The following SLC9A5 variants were observed in gnomAD, a reference collection of about 807,000 sequenced individuals.
The protein encoded by SLC9A5 is solute carrier family 9 member A5.
A neutral mutation model predicts 91.7 loss-of-function variants in SLC9A5; 52 were observed. The ratio of observed to expected loss-of-function variants is 0.57; its 90% CI spans 0.45 to 0.71. The LOEUF is 0.71. SLC9A5 is among the 30% of genes least tolerant of loss of function. The pLI is 0.00. For synonymous variants in SLC9A5, 419 were observed against 474.5 expected (o/e 0.88, Z 1.52); for missense variants, 871 against 1,158.9 (o/e 0.75, Z 3.61).
intron 10 of SLC9A5, among the ~76,000 whole-genome samples, 183 bp from the exon 11 acceptor site, chr16:67,259,386 TAGAA>T (rs2035442336): frequency 1.0e-5 from 1 of 96,244 alleles, no homozygotes; most frequent in South Asian, 3.1e-4. Context: ...AAAAAAAAAA[TAGAA>T]AGCAGGCATA....
chr16:67,264,868 G>A (rs547092527), intron 13 of SLC9A5, among the ~76,000 whole-genome samples, 172 bp from the exon 14 acceptor site: 2 of 152,316 alleles, frequency 1.3e-5, no homozygotes, highest in South Asian at 2.1e-4. Flanking sequence ...ATTTCTTACT[G>A]GGGCATGGGT....
chr16:67,250,476 G>A (rs2035073974), intron 1 of SLC9A5, among the ~76,000 whole-genome samples: 1 of 152,174 alleles, frequency 6.6e-6, no homozygotes, highest in Non-Finnish European at 1.5e-5. Context: ...CAACGATTGG[G>A]TTTGCTAAGT....
Position 67,256,034 on chromosome 16 carries a change from C to T in SLC9A5, c.911+104C>T. 1 of 1,283,830 alleles carries T rather than the reference C, an allele frequency of 7.8e-7. No individual in the cohort carries two copies. Among genetic ancestry groups the T allele is most frequent in the Non-Finnish European group, 1.1e-6 (1 of 932,558 alleles). The allele number at this position is 1,283,830 out of a possible 1,614,324, so 79.5% of individuals were successfully genotyped here. A position where few individuals can be genotyped will look rare whatever the true frequency, so the allele number is the denominator to read the frequency against. On this transcript the variant is annotated intron_variant, in intron 5 of 15. Coordinates refer to ENST00000299798, the MANE Select transcript of SLC9A5 (RefSeq NM_004594.3). This position sits in a 1 kb window ranked among gnomAD's most constrained non-coding sequence, Gnocchi z 4.1. Reference sequence around the variant, plus strand: ...GAACTTCAGGAGTCCATAGGTTTCCCTGAGCCCTTGTGGTAGTGGGAGCCT... The same window carrying T: ...GAACTTCAGGAGTCCATAGGTTTCCTTGAGCCCTTGTGGTAGTGGGAGCCT...
intron 12 of SLC9A5, among the ~76,000 whole-genome samples, chr16:67,260,512 G>A (rs948707051): frequency 6.6e-6 from 1 of 152,190 alleles, no homozygotes; most frequent in African/African-American, 2.4e-5. Flanking sequence ...ATTGGAGGGG[G>A]TGAGTTGAGA....
In SLC9A5 at chr16:67,255,489, C is replaced by G; in HGVS notation, c.733+18C>G. On this transcript the variant is annotated intron_variant, in intron 4 of 15. Coordinates refer to ENST00000299798, the MANE Select transcript of SLC9A5 (RefSeq NM_004594.3). The surrounding 1 kb of genome is among the most constrained non-coding windows in gnomAD (Gnocchi z 4.9). ...GGGAGTCGGTCAGTATTTCCCCGCT[C>G]CCAGCTGGCATTGGAGGTCTGCCTC... is the stretch of plus-strand genomic sequence containing the variant. The G allele has an allele frequency of 6.2e-7, 1 of 1,612,980 alleles. No homozygotes were observed. Among genetic ancestry groups the G allele is most frequent in the South Asian group, 1.1e-5 (1 of 91,062 alleles).
intron 2 of SLC9A5, among the ~76,000 whole-genome samples, chr16:67,253,485 G>A (rs2035204925): frequency 6.6e-6 from 1 of 152,020 alleles, no homozygotes; most frequent in African/African-American, 2.4e-5. Flanking sequence ...TTTGCTATCA[G>A]GTCCAAGGTT....
In SLC9A5 at chr16:67,256,647, G is replaced by T; in HGVS notation, c.1090G>T (p.Val364Leu). Residue 364 changes from valine to leucine, a missense_variant, in exon 6 of 16, where the codon GTG (valine) becomes TTG (leucine). Coordinates refer to ENST00000299798, the MANE Select transcript of SLC9A5 (RefSeq NM_004594.3). The surrounding 1 kb of genome is among the most constrained non-coding windows in gnomAD (Gnocchi z 4.1). Reference sequence around the variant, plus strand: ...TAAGTGGGCCTGGGATTCTGGGCTGGTGCTGGGCACCCTCATCTTCATCCT... The same window carrying T: ...TAAGTGGGCCTGGGATTCTGGGCTGTTGCTGGGCACCCTCATCTTCATCCT... ...SSKWAWDSGL[V>L]LGTLIFILFF... 1.2e-6 allele frequency: 2 copies of T among 1,613,872 alleles called. No individual in the cohort carries two copies.
Position 67,271,423 on chromosome 16 carries a change from G to A in SLC9A5, c.*213G>A, listed in dbSNP as rs766429204. 1 of 591,402 alleles carries A rather than the reference G, an allele frequency of 1.7e-6. No homozygotes were observed. The highest frequency in any genetic ancestry group is 2.0e-5 in the South Asian group (1 of 49,248). 36.6% of individuals were successfully genotyped at this position (591,402 alleles called of 1,614,324 possible). A position where few individuals can be genotyped will look rare whatever the true frequency, so the allele number is the denominator to read the frequency against. On this transcript the variant is annotated 3_prime_UTR_variant, in exon 16 of 16. Coordinates refer to ENST00000299798, the MANE Select transcript of SLC9A5 (RefSeq NM_004594.3). Reference sequence around the variant, plus strand: ...CTGCTCCTAACCCCTGCCACTTTCTGTTTCATTAAGGCCTCTACTCTGGCT... The same window carrying A: ...CTGCTCCTAACCCCTGCCACTTTCTATTTCATTAAGGCCTCTACTCTGGCT...
chr16:67,250,816 A>T (rs2035086474), intron 1 of SLC9A5, among the ~76,000 whole-genome samples: 1 of 152,160 alleles, frequency 6.6e-6, no homozygotes, highest in Admixed American at 6.5e-5. Flanking sequence ...ACAGAGGCTA[A>T]TTTAGAGGTC....
chr16:67,250,799 G>T (rs2035085323), intron 1 of SLC9A5, among the ~76,000 whole-genome samples: 1 of 152,178 alleles, frequency 6.6e-6, no homozygotes, highest in African/African-American at 2.4e-5. Flanking sequence ...TCTTGGCATA[G>T]GGTCTCACAG....
At chr16:67,254,536 ACAGGCCTGCAC>A (rs201473931) in intron 2 of SLC9A5, among the ~76,000 whole-genome samples, 5,619 of 152,242 alleles carry the variant, frequency 0.037, 116 homozygotes, top group African/African-American at 0.05. Context: ...AGCTGGGATT[ACAGGCCTGCAC>A]CACTGCGCCT....
chr16:67,254,801 G>A (rs1230114099), intron 2 of SLC9A5, among the ~76,000 whole-genome samples: 4 of 152,252 alleles, frequency 2.6e-5, no homozygotes, highest in African/African-American at 7.2e-5. Context: ...TGACGGACCA[G>A]CATCACACAG....
chr16:67,259,533 C>T (rs765072012), intron 10 of SLC9A5, 40 bp from the exon 11 acceptor site: 2 of 1,463,250 alleles, frequency 1.4e-6, no homozygotes, highest in Non-Finnish European at 1.9e-6. Context: ...GGGCAACCCT[C>T]CATCTGATTG....
intron 12 of SLC9A5, chr16:67,261,580 A>G (rs2035530787): frequency 6.6e-6 from 1 of 152,220 alleles, no homozygotes; most frequent in Non-Finnish European, 1.5e-5. Flanking sequence ...TCAGTATTCA[A>G]TAAATATCTT....
intron 12 of SLC9A5, among the ~76,000 whole-genome samples, chr16:67,260,354 CAAAA>C (rs397932908): frequency 1.2e-3 from 40 of 33,444 alleles, no homozygotes; most frequent in African/African-American, 7.0e-3. Context: ...GACTCCATCT[CAAAA>C]AAAAAAAAAA....
Position 67,256,379 on chromosome 16 carries a change from C to A in SLC9A5, c.912-90C>A. On this transcript the variant is annotated intron_variant, in intron 5 of 15. Coordinates refer to ENST00000299798, the MANE Select transcript of SLC9A5 (RefSeq NM_004594.3). The surrounding 1 kb of genome is among the most constrained non-coding windows in gnomAD (Gnocchi z 4.1). ...TGAGAGTCTGACATCCTGTAATGGG[C>A]AATGCCCCCTCCTGCAGTATGCTCA... is the stretch of plus-strand genomic sequence containing the variant. The A allele has an allele frequency of 2.3e-6, 2 of 873,178 alleles. No individual in the cohort carries two copies. The highest frequency in any genetic ancestry group is 1.8e-5 in the Admixed American group (1 of 55,252). 54.1% of individuals were successfully genotyped at this position (873,178 alleles called of 1,614,324 possible). A position where few individuals can be genotyped will look rare whatever the true frequency, so the allele number is the denominator to read the frequency against.
chr16:67,252,386 G>A lies in SLC9A5; in HGVS notation c.188-156G>A, dbSNP rs745878352. 9.9e-5 allele frequency among the ~76,000 whole-genome samples: 15 copies of A among 151,904 alleles called. No individual in the cohort carries two copies. The highest frequency in any genetic ancestry group is 1.8e-4 in the Non-Finnish European group (12 of 67,990). On this transcript the variant is annotated intron_variant, in intron 1 of 15. Transcript: ENST00000299798. The surrounding 1 kb of genome is among the most constrained non-coding windows in gnomAD (Gnocchi z 4.0). ...AATCACTTGAACCCGGGAGGTGAAG[G>A]TTGCAGTGAGCTGAGATTGTGCTAC...
intron 15 of SLC9A5, among the ~76,000 whole-genome samples, chr16:67,268,325 A>AT (rs548983298): frequency 0.012 from 1,443 of 123,930 alleles, 11 homozygotes; most frequent in African/African-American, 0.021. Context: ...CCAGATAAGG[A>AT]TTTTTTTTTT....
rs1314634359 is a variant in SLC9A5 at position 67,256,122 on chromosome 16, C to T, written c.911+192C>T. Among the ~76,000 whole-genome samples, 1 of 152,192 alleles carries T rather than the reference C, an allele frequency of 6.6e-6. No homozygotes were observed. The highest frequency in any genetic ancestry group is 6.5e-5 in the Admixed American group (1 of 15,286). ...TTCAGGAGCTGCCCCCAGAGCTGTC[C>T]TCAGCACCCTGAAACCCTCTGGGTG... On this transcript the variant is annotated intron_variant, in intron 5 of 15. Coordinates refer to ENST00000299798, the MANE Select transcript of SLC9A5 (RefSeq NM_004594.3). This position sits in a 1 kb window ranked among gnomAD's most constrained non-coding sequence, Gnocchi z 4.1.
Sources: allele counts gnomAD v4.1 joint callset (sites outside exome capture counted in the v4.1 genomes callset), GRCh38; gene constraint gnomAD v4.1.1; non-coding constraint Gnocchi (gnomAD v3.1); transcripts MANE v1.5; gene names NCBI Gene and HGNC (gene_info 2026-07-23, HGNC 2026-07-21).